The following GLG1 variants were observed in gnomAD, a reference collection of about 807,000 sequenced individuals.
GLG1 encodes the protein golgi glycoprotein 1, also known as Golgi apparatus protein 1.
In GLG1, 38 loss-of-function variants were observed where a neutral mutation model predicts 160.5. The ratio of observed to expected loss-of-function variants is 0.24; its 90% CI spans 0.18 to 0.31. GLG1 has a LOEUF of 0.31. Ranked by LOEUF, GLG1 falls within the 10% of genes least tolerant of loss-of-function variation. GLG1 has a pLI of 1.00. For missense variants in GLG1, 1,373 were observed against 1,505.2 expected (o/e 0.91, Z 1.45); for synonymous variants, 644 against 543.4 (o/e 1.19, Z -2.57).
At chr16:74,481,141 G>C (rs559087796) in intron 10 of GLG1, among the ~76,000 whole-genome samples, 1 of 152,174 alleles carries the variant, frequency 6.6e-6, no homozygotes, top group Non-Finnish European at 1.5e-5. Context: ...CCTATGTAAT[G>C]TATTAGATTC....
chr16:74,490,530 G>A (rs2015943892), intron 8 of GLG1, among the ~76,000 whole-genome samples: 1 of 152,226 alleles, frequency 6.6e-6, no homozygotes, highest in Non-Finnish European at 1.5e-5. Context: ...AGGAATTCAT[G>A]CCATGCGGTA....
chr16:74,602,451 C>T lies in GLG1; in HGVS notation c.438+4206G>A, dbSNP rs115407692. ...TTGAAATGACAGTATCTGGGATTTGCTTTTAAATATGCCAGCCTCCCAACC... is the reference window on the plus strand; with the variant it reads ...TTGAAATGACAGTATCTGGGATTTGTTTTTAAATATGCCAGCCTCCCAACC... On this transcript the variant is annotated intron_variant, in intron 1 of 25. Transcript: ENST00000422840. Among the ~76,000 whole-genome samples the T allele has an allele frequency of 7.7e-3, 1,170 of 152,250 alleles. 19 individuals are homozygous for T. The highest frequency in any genetic ancestry group is 0.027 in the African/African-American group (1,123 of 41,552).
intron 1 of GLG1, among the ~76,000 whole-genome samples, chr16:74,566,548 T>C (rs994890059): frequency 6.6e-6 from 1 of 152,208 alleles, no homozygotes; most frequent in Non-Finnish European, 1.5e-5. Context: ...GTCAATCTCT[T>C]TTCCTTCTGT....
intron 15 of GLG1, 136 bp downstream of exon 15, chr16:74,471,037 G>A: frequency 1.4e-6 from 1 of 691,604 alleles, no homozygotes; most frequent in Non-Finnish European, 2.6e-6. Context: ...GATTACAGGT[G>A]TGAGCCACCA....
chr16:74,479,334 T>C lies in GLG1; in HGVS notation c.1827+907A>G, dbSNP rs982083235. Reference sequence around the variant, plus strand: ...GAAAACCAGCACCACAGACTCCAACTCTTTCTTATTTAAAAGAGAATAAAC... The same window carrying C: ...GAAAACCAGCACCACAGACTCCAACCCTTTCTTATTTAAAAGAGAATAAAC... On this transcript the variant is annotated intron_variant, in intron 11 of 25. Coordinates refer to ENST00000422840, the MANE Select transcript of GLG1 (RefSeq NM_001145667.2). Among the ~76,000 whole-genome samples, 17 of 150,098 alleles carry C rather than the reference T, an allele frequency of 1.1e-4. 1 individual carries two copies. Among genetic ancestry groups the C allele is most frequent in the Admixed American group, 1.1e-3 (17 of 15,060 alleles).
intron 1 of GLG1, among the ~76,000 whole-genome samples, chr16:74,559,072 T>C (rs761452385): frequency 6.6e-6 from 1 of 152,070 alleles, no homozygotes; most frequent in Non-Finnish European, 1.5e-5. Context: ...TTTTTTGCTA[T>C]GTTGCCCAGG....
intron 3 of GLG1, among the ~76,000 whole-genome samples, chr16:74,504,079 T>C (rs1293614014): frequency 2.6e-5 from 4 of 152,192 alleles, no homozygotes; most frequent in African/African-American, 9.6e-5. Context: ...AGCTTTGGCA[T>C]GGTCCTATGA....
intron 2 of GLG1, 84 bp from the exon 3 acceptor site, chr16:74,509,009 G>C (rs2016712494): frequency 3.0e-6 from 2 of 670,186 alleles, no homozygotes; most frequent in Non-Finnish European, 5.4e-6. Flanking sequence ...AATGACAAAA[G>C]CCAATTATAC....
intron 21 of GLG1, 43 bp downstream of exon 21, chr16:74,462,445 G>A: frequency 1.9e-6 from 3 of 1,556,556 alleles, no homozygotes; most frequent in Non-Finnish European, 2.6e-6. Context: ...CAGGGACAGA[G>A]GCTCCATAAA....
chr16:74,511,585 TAAA>T (rs1172903763), intron 2 of GLG1, among the ~76,000 whole-genome samples: 15 of 85,300 alleles, frequency 1.8e-4, no homozygotes, highest in South Asian at 3.9e-4. Flanking sequence ...CTTTTTTTTT[TAAA>T]AAAAAAAAAA....
Position 74,463,298 on chromosome 16 carries a change from C to A in GLG1, c.2791+58G>T, listed in dbSNP as rs539293591. ...GGAGTTTGAGCAGGTCACTCTACAG[C>A]CACTGAATTCCTTTTCAGATACTCC... is the stretch of plus-strand genomic sequence containing the variant. On this transcript the variant is annotated intron_variant, in intron 20 of 25. Coordinates refer to ENST00000422840, the MANE Select transcript of GLG1 (RefSeq NM_001145667.2). 2.1e-5 allele frequency: 33 copies of A among 1,563,980 alleles called. 1 individual carries two copies. The highest frequency in any genetic ancestry group is 2.6e-5 in the Non-Finnish European group (30 of 1,137,894).
At position 74,569,875 on chromosome 16, in the gene GLG1, GA is replaced by G. The variant is rs1248515307; in HGVS notation, c.438+36781del. Among the ~76,000 whole-genome samples the G allele has an allele frequency of 6.0e-3, 649 of 108,066 alleles. 3 individuals are homozygous for G. Among genetic ancestry groups the G allele is most frequent in the African/African-American group, 0.012 (346 of 29,496 alleles). 70.9% of individuals were successfully genotyped at this position (108,066 alleles called of 152,430 possible). ...AAACTCCAACTCAAAAAAAAAAAAA[GA>G]AAAAAAAAAAAAAGCAACGGTTTTG... is the stretch of plus-strand genomic sequence containing the variant. On this transcript the variant is annotated intron_variant, in intron 1 of 25. Transcript: ENST00000422840.
chr16:74,463,217 A>G (rs2014869146), intron 20 of GLG1, 139 bp downstream of exon 20: 3 of 756,182 alleles, frequency 4.0e-6, no homozygotes, highest in Non-Finnish European at 6.4e-6. Context: ...TCAAAGGAGG[A>G]AGGCCCTGCT....
intron 1 of GLG1, among the ~76,000 whole-genome samples, chr16:74,574,877 C>CT (rs2018942149): frequency 2.6e-5 from 1 of 38,480 alleles, no homozygotes; most frequent in East Asian, 1.4e-3. Context: ...GAGCAAGACT[C>CT]TGTCTCAAAA....
Position 74,452,807 on chromosome 16 carries a change from ATT to A in GLG1, c.*358_*359del, listed in dbSNP as rs1200163104. On this transcript the variant is annotated 3_prime_UTR_variant, in exon 26 of 26. Transcript: ENST00000422840. ...TATATACATTTTTTTCTTTAAAAAA[ATT>A]TTTTTTTTTGGTGGTTTTCTTAAAA... 15 of 806,334 alleles carry A rather than the reference ATT, an allele frequency of 1.9e-5. No individual in the cohort carries two copies. Among genetic ancestry groups the A allele is most frequent in the Non-Finnish European group, 2.3e-5 (15 of 662,742 alleles). 49.9% of individuals were successfully genotyped at this position (806,334 alleles called of 1,614,324 possible).
At chr16:74,568,316 A>T (rs923187162) in intron 1 of GLG1, among the ~76,000 whole-genome samples, 1 of 152,264 alleles carries the variant, frequency 6.6e-6, no homozygotes, top group African/African-American at 2.4e-5. Flanking sequence ...TCCTATTACT[A>T]TAAAAGAATC....
At chr16:74,585,001 ACTAAAGAAAGAACTTATT>A (rs905663350) in intron 1 of GLG1, among the ~76,000 whole-genome samples, 3 of 152,192 alleles carry the variant, frequency 2.0e-5, no homozygotes, top group African/African-American at 7.2e-5. Flanking sequence ...AGAAATCACC[ACTAAAGAAAGAACTTATT>A]CATGTAACCA....
In GLG1 at chr16:74,452,417, CT is replaced by C; in HGVS notation, c.*749del. 1 of 1,177,174 alleles carries C rather than the reference CT, an allele frequency of 8.5e-7. No homozygotes were observed. Among genetic ancestry groups the C allele is most frequent in the South Asian group, 2.5e-5 (1 of 40,040 alleles). The allele number at this position is 1,177,174 out of a possible 1,614,324, so 72.9% of individuals were successfully genotyped here. A position where few individuals can be genotyped will look rare whatever the true frequency, so the allele number is the denominator to read the frequency against. ...CTTCACAAACTTCCGGTCCCTTCCC[CT>C]CCCCAGCTGCCCTTGTCTAGGAAGG... On this transcript the variant is annotated 3_prime_UTR_variant, in exon 26 of 26. Coordinates refer to ENST00000422840, the MANE Select transcript of GLG1 (RefSeq NM_001145667.2).
intron 17 of GLG1, chr16:74,468,697 T>A: frequency 4.1e-6 from 2 of 488,872 alleles, no homozygotes; most frequent in Non-Finnish European, 3.7e-6. Flanking sequence ...AGTGATTGGA[T>A]CACATGCTTA....
Sources: gnomAD v4.1 joint callset for allele counts (sites outside exome capture counted in the v4.1 genomes callset) on GRCh38, gnomAD v4.1.1 for gene constraint, MANE v1.5 for transcripts, NCBI Gene and HGNC (gene_info 2026-07-23, HGNC 2026-07-21) for gene names.